Variants in XRRA1 observed in about 807,000 individuals in gnomAD.
XRRA1 encodes the protein X-ray radiation resistance associated 1.
In XRRA1, 69 loss-of-function variants were observed where a neutral mutation model predicts 80.2. That is an observed-to-expected ratio of 0.86 (90% CI 0.71 to 1.05). The LOEUF is 1.05. Ranked by LOEUF, XRRA1 falls within the 50% of genes least tolerant of loss-of-function variation. The pLI, the probability that XRRA1 is intolerant of heterozygous loss-of-function variation, is 0.00. For synonymous variants in XRRA1, 348 were observed against 389.9 expected, an observed-to-expected ratio of 0.89 and a Z score of 1.27; for missense variants, 967 against 976.4, an observed-to-expected ratio of 0.99 and a Z score of 0.13.
chr11:74,934,745 T>C (rs1462685777), intron 4 of XRRA1, among the ~76,000 whole-genome samples: 1 of 152,048 alleles, frequency 6.6e-6, no homozygotes, highest in Non-Finnish European at 1.5e-5. Context: ...ATCATATAAG[T>C]CCACGCTGGC....
At chr11:74,886,230 A>G (rs2048987159) in intron 10 of XRRA1, among the ~76,000 whole-genome samples, 3 of 152,176 alleles carry the variant, frequency 2.0e-5, no homozygotes, top group Non-Finnish European at 4.4e-5. Context: ...GGCAGGAGAA[A>G]GAAATGAGAG....
chr11:74,869,167 C>T (rs1486499721), intron 10 of XRRA1, among the ~76,000 whole-genome samples: 1 of 151,962 alleles, frequency 6.6e-6, no homozygotes, highest in African/African-American at 2.4e-5. Context: ...GAGCACAGCA[C>T]CATAAAATAG....
At chr11:74,853,042 T>G (rs1049250323) in intron 12 of XRRA1, among the ~76,000 whole-genome samples, 2 of 152,348 alleles carry the variant, frequency 1.3e-5, no homozygotes, top group Middle Eastern at 6.8e-3. Context: ...AAATATTTAC[T>G]GAATACCTAC....
chr11:74,927,414 A>G lies in XRRA1; in HGVS notation c.499T>C (p.Tyr167His). Reference sequence around the variant, plus strand: ...ACTTCTAATAACTTAAAGTCTCCATATTTCACGTAGATAGTTTTGATGCCA... The same window carrying G: ...ACTTCTAATAACTTAAAGTCTCCATGTTTCACGTAGATAGTTTTGATGCCA... ...FNGIKTIYVKYGDFKLLEFLD... is the reference protein window; with the variant it reads ...FNGIKTIYVKHGDFKLLEFLD... The change falls in exon 7 of 19, where the codon TAT (tyrosine) becomes CAT (histidine). Residue 167 changes from tyrosine (Y) to histidine (H), a missense_variant. Coordinates refer to ENST00000684022, the MANE Select transcript of XRRA1 (RefSeq NM_001378157.1). 1 of 1,612,684 alleles carries G rather than the reference A, an allele frequency of 6.2e-7. No individual in the cohort carries two copies. The highest frequency in any genetic ancestry group is 8.5e-7 in the Non-Finnish European group (1 of 1,178,822).
At chr11:74,853,597 G>A (rs748403347) in intron 12 of XRRA1, among the ~76,000 whole-genome samples, 50 of 152,148 alleles carry the variant, frequency 3.3e-4, no homozygotes, top group Non-Finnish European at 6.6e-4. Context: ...AGGGCATCTG[G>A]GTCTCTGAAT....
intron 10 of XRRA1, among the ~76,000 whole-genome samples, chr11:74,892,705 A>C (rs1342405836): frequency 3.3e-5 from 5 of 152,216 alleles, no homozygotes; most frequent in Non-Finnish European, 7.4e-5. Context: ...AAACAAATTT[A>C]CAAGAAAAAA....
At chr11:74,925,741 A>G (rs1942061361) in intron 7 of XRRA1, among the ~76,000 whole-genome samples, 1 of 152,208 alleles carries the variant, frequency 6.6e-6, no homozygotes, top group African/African-American at 2.4e-5. Flanking sequence ...CAAGCTAGTC[A>G]GTTGTGGGGT....
At chr11:74,882,980 C>A (rs1348256890) in intron 10 of XRRA1, among the ~76,000 whole-genome samples, 1 of 152,164 alleles carries the variant, frequency 6.6e-6, no homozygotes, top group East Asian at 1.9e-4. Flanking sequence ...CTGTGCCCTG[C>A]CCCCAGAGGT....
At chr11:74,920,640 G>T (rs1250207500) in intron 8 of XRRA1, among the ~76,000 whole-genome samples, 1 of 152,106 alleles carries the variant, frequency 6.6e-6, no homozygotes, top group Non-Finnish European at 1.5e-5. Flanking sequence ...TCAAATCCTG[G>T]ATCTGTTACC....
At chr11:74,899,378 A>G (rs908328187) in intron 10 of XRRA1, among the ~76,000 whole-genome samples, 2 of 152,196 alleles carry the variant, frequency 1.3e-5, no homozygotes, top group Non-Finnish European at 2.9e-5. Context: ...AACCAAACCC[A>G]AAAGTAGTAG....
At chr11:74,877,613 TCCCCCCA>T (rs2046365155) in intron 10 of XRRA1, among the ~76,000 whole-genome samples, 1 of 68,518 alleles carries the variant, frequency 1.5e-5, no homozygotes, top group Non-Finnish European at 2.6e-5. Flanking sequence ...CCCTCCCCCC[TCCCCCCA>T]CCCCACAACA....
chr11:74,903,294 T>C (rs758343519), intron 10 of XRRA1, among the ~76,000 whole-genome samples: 3 of 152,218 alleles, frequency 2.0e-5, no homozygotes, highest in South Asian at 2.1e-4. Flanking sequence ...AGGTTGTTCA[T>C]TGTAGCACCA....
At chr11:74,885,566 A>T (rs2048827415) in intron 10 of XRRA1, among the ~76,000 whole-genome samples, 1 of 152,212 alleles carries the variant, frequency 6.6e-6, no homozygotes, top group African/African-American at 2.4e-5. Flanking sequence ...CTGAAACTGA[A>T]TCAGTAATAA....
intron 10 of XRRA1, among the ~76,000 whole-genome samples, chr11:74,868,938 T>C (rs533499949): frequency 1.8e-4 from 28 of 152,148 alleles, no homozygotes; most frequent in African/African-American, 5.8e-4. Flanking sequence ...TATTAGATCA[T>C]TGAGGCAGAA....
At position 74,842,311 on chromosome 11, in the gene XRRA1, G is replaced by A. The variant is rs1432768139; in HGVS notation, c.*889C>T. On this transcript the variant is annotated 3_prime_UTR_variant, in exon 19 of 19. Coordinates refer to ENST00000684022, the MANE Select transcript of XRRA1 (RefSeq NM_001378157.1). ...GGCATGGAATCAAGTGGGCTGATGT[G>A]TTGTTATTTAAACAGTACCAAAGTG... 1 of 152,206 alleles carries A rather than the reference G, an allele frequency of 6.6e-6. No individual in the cohort carries two copies. Among genetic ancestry groups the A allele is most frequent in the Non-Finnish European group, 1.5e-5 (1 of 68,046 alleles). The allele number at this position is 152,206 out of a possible 1,614,324, so 9.4% of individuals were successfully genotyped here.
chr11:74,845,636 G>A (rs995191868), intron 15 of XRRA1, among the ~76,000 whole-genome samples: 14 of 152,192 alleles, frequency 9.2e-5, no homozygotes, highest in African/African-American at 7.2e-5. Flanking sequence ...GGAACAGCAC[G>A]AGCAAAGGCG....
chr11:74,945,040 G>C lies in XRRA1; in HGVS notation c.-27C>G, dbSNP rs1947210373. ...TACTTGATCTTTGACTTTGGGAATG[G>C]CCCCTTAACTTCCTTTTTTTTTTGT... On this transcript the variant is annotated 5_prime_UTR_variant, in exon 2 of 19. Transcript: ENST00000684022. 6.6e-6 allele frequency: 1 copy of C among 152,494 alleles called. No homozygotes were observed. Among genetic ancestry groups the C allele is most frequent in the African/African-American group, 2.4e-5 (1 of 41,400 alleles). The allele number at this position is 152,494 out of a possible 1,614,324, so 9.4% of individuals were successfully genotyped here.
intron 10 of XRRA1, among the ~76,000 whole-genome samples, chr11:74,884,232 G>T (rs1226518533): frequency 6.6e-6 from 1 of 152,158 alleles, no homozygotes; most frequent in African/African-American, 2.4e-5. Context: ...AGATAAGCGA[G>T]CTGGAATCTT....
chr11:74,934,280 G>A (rs1436322414), intron 4 of XRRA1, among the ~76,000 whole-genome samples: 5 of 152,242 alleles, frequency 3.3e-5, no homozygotes, highest in South Asian at 4.1e-4. Context: ...TATGTCACCC[G>A]ACATAATTTA....
Sources: gnomAD v4.1 joint callset for allele counts (sites outside exome capture counted in the v4.1 genomes callset) on GRCh38, gnomAD v4.1.1 for gene constraint, MANE v1.5 for transcripts, NCBI Gene and HGNC (gene_info 2026-07-23, HGNC 2026-07-21) for gene names.